ARL10: variants seen among roughly 807,000 people sequenced by gnomAD.
ARL10 encodes the protein ADP-ribosylation factor-like protein 10.
Under a neutral mutation model 26.1 loss-of-function variants are expected in ARL10, and 23 were observed. The observed-to-expected ratio is 0.88, with a 90% CI of 0.63 to 1.25. The LOEUF is 1.25. ARL10 is among the 50% of genes most tolerant of loss of function. ARL10 has a pLI of 0.00. For missense variants in ARL10, 300 were observed against 323.6 expected (o/e 0.93, Z 0.56); for synonymous variants, 138 against 149.1 (o/e 0.93, Z 0.54).
chr5:176,386,794 C>T, downstream of ARL10: 1 of 1,545,566 alleles, frequency 6.5e-7, no homozygotes, highest in Admixed American at 1.7e-5. Flanking sequence ...CCCAGCTTCC[C>T]ACAGTGCAGG....
At chr5:176,401,598 CCA>C (rs950258565) in intron 1 of ARL10, 4 of 392,860 alleles carry the variant, frequency 1.0e-5, no homozygotes, top group African/African-American at 8.3e-5. Flanking sequence ...AGGGTGACAT[CCA>C]CATGGCATCG....
chr5:176,389,692 A>G, downstream of ARL10: 1 of 528,134 alleles, frequency 1.9e-6, no homozygotes, highest in Non-Finnish European at 3.3e-6. Context: ...AATGTTACAT[A>G]CTTCTATTTG....
At chr5:176,388,741 G>A (rs1423873540), downstream of ARL10, 9 of 1,552,774 alleles carry the variant, frequency 5.8e-6, no homozygotes, top group African/African-American at 2.8e-5. Context: ...CAATTTATTC[G>A]TTTCCCCGCC....
chr5:176,406,142 C>G (rs1343055211), downstream of ARL10: 2 of 986,542 alleles, frequency 2.0e-6, no homozygotes, highest in African/African-American at 1.7e-5. Flanking sequence ...CACAACTGGG[C>G]TCTCGTTTAA....
downstream of ARL10, chr5:176,392,384 A>G (rs1561789041): frequency 5.8e-6 from 1 of 173,546 alleles, no homozygotes; most frequent in Non-Finnish European, 1.2e-5. This position sits in a 1 kb window ranked among gnomAD's most constrained non-coding sequence, Gnocchi z 5.2. Context: ...AAATGGGGGA[A>G]CATTCTCCCT....
At chr5:176,383,368 T>C, downstream of ARL10, among the ~76,000 whole-genome samples, 1 of 152,230 alleles carries the variant, frequency 6.6e-6, no homozygotes, top group East Asian at 1.9e-4. Context: ...GCCCACTCCA[T>C]ACCCTGCTTG....
exon 2 of ARL10, chr5:176,388,557 C>G: frequency 6.3e-7 from 1 of 1,599,080 alleles, no homozygotes; most frequent in Non-Finnish European, 8.6e-7. Flanking sequence ...ACCACCGCAC[C>G]AGCAGCTCAA....
chr5:176,385,401 C>T (rs1755762572), downstream of ARL10: 2 of 893,350 alleles, frequency 2.2e-6, no homozygotes, highest in Middle Eastern at 2.4e-4. Flanking sequence ...GTCCAATCAC[C>T]CCTTCACCCA....
At chr5:176,388,445 G>C (rs768728192) in exon 2 of ARL10, 1 of 1,614,144 alleles carries the variant, frequency 6.2e-7, no homozygotes, top group Non-Finnish European at 8.5e-7. Context: ...TTCGATCCGC[G>C]GCGCTGCCTT....
chr5:176,403,285 G>A (rs1756921251), downstream of ARL10, among the ~76,000 whole-genome samples: 1 of 152,032 alleles, frequency 6.6e-6, no homozygotes, highest in Admixed American at 6.6e-5. Context: ...CCTGATCTCA[G>A]GTGATCCACC....
At chr5:176,406,146 C>T (rs1489204498), downstream of ARL10, 6 of 986,528 alleles carry the variant, frequency 6.1e-6, no homozygotes, top group African/African-American at 3.5e-5. Context: ...ACTGGGCTCT[C>T]GTTTAATCAC....
downstream of ARL10, chr5:176,384,849 T>A: frequency 4.2e-6 from 2 of 476,704 alleles, no homozygotes; most frequent in Non-Finnish European, 3.7e-6. Flanking sequence ...TGACCCATCA[T>A]AGCCAGCTAA....
rs1242692699 is a variant in ARL10 at position 176,378,226 on chromosome 5, GGTCATCAATCTA to G, written c.*6334_*6345del. The G allele has an allele frequency of 6.6e-6, 1 of 152,216 alleles. No individual in the cohort carries two copies. Among genetic ancestry groups the G allele is most frequent in the Admixed American group, 6.5e-5 (1 of 15,280 alleles). The allele number at this position is 152,216 out of a possible 1,614,324, so 9.4% of individuals were successfully genotyped here. On this transcript the variant is annotated 3_prime_UTR_variant, in exon 4 of 4. Transcript: ENST00000310389. ...GCACTGTTAGATGGGTCATCATAAA[GGTCATCAATCTA>G]GTGGCATTCATTCAATTTGCACATC...
chr5:176,372,181 T>C lies in ARL10; in HGVS notation c.*286T>C. 1.0e-5 allele frequency: 10 copies of C among 974,646 alleles called. No individual in the cohort carries two copies. Among genetic ancestry groups the C allele is most frequent in the Non-Finnish European group, 1.2e-5 (9 of 734,048 alleles). 60.4% of individuals were successfully genotyped at this position (974,646 alleles called of 1,614,324 possible). ...GGATCCAGCTTTCCCTTCTCTTACC[T>C]GTACAGTGAGATGCTCAGTGGGCTC... is the stretch of plus-strand genomic sequence containing the variant. On this transcript the variant is annotated 3_prime_UTR_variant, in exon 4 of 4. Coordinates refer to ENST00000310389, the MANE Select transcript of ARL10 (RefSeq NM_173664.6).
chr5:176,411,389 G>A, the ARL10 span, among the ~76,000 whole-genome samples: 107 of 152,136 alleles, frequency 7.0e-4, no homozygotes, highest in African/African-American at 2.5e-3. Context: ...GGCCTATAGC[G>A]CCTACTCCTG....
At chr5:176,371,673 G>A in intron 3 of ARL10, 49 bp from the exon 4 acceptor site, 1 of 1,533,688 alleles carries the variant, frequency 6.5e-7, no homozygotes, top group South Asian at 1.1e-5. Context: ...GGGTGTCAGT[G>A]TGTTAGGAAA....
At chr5:176,406,359 C>T (rs892057996), downstream of ARL10, 30 of 1,116,848 alleles carry the variant, frequency 2.7e-5, no homozygotes, top group Non-Finnish European at 3.2e-5. Context: ...TCCTGAGGGG[C>T]CCCTCTGCTG....
Position 176,373,117 on chromosome 5 carries a change from C to A in ARL10, c.*1222C>A. 2.5e-6 allele frequency: 1 copy of A among 398,430 alleles called. No homozygotes were observed. Among genetic ancestry groups the A allele is most frequent in the Non-Finnish European group, 4.4e-6 (1 of 226,048 alleles). The allele number at this position is 398,430 out of a possible 1,614,324, so 24.7% of individuals were successfully genotyped here. Reference sequence around the variant, plus strand: ...GAAATGACTCTGGGAGAGGATTTCCCTTATGTGAATCTAGGTAAAAAGATG... The same window carrying A: ...GAAATGACTCTGGGAGAGGATTTCCATTATGTGAATCTAGGTAAAAAGATG... On this transcript the variant is annotated 3_prime_UTR_variant, in exon 4 of 4. Coordinates refer to ENST00000310389, the MANE Select transcript of ARL10 (RefSeq NM_173664.6).
chr5:176,386,777 G>A (rs1430690072), downstream of ARL10: 1 of 1,419,676 alleles, frequency 7.0e-7, no homozygotes, highest in South Asian at 1.1e-5. Flanking sequence ...GACATCTTAG[G>A]GCCCTTCCCA....
Sources: allele counts gnomAD v4.1 joint callset (sites outside exome capture counted in the v4.1 genomes callset), GRCh38; gene constraint gnomAD v4.1.1; non-coding constraint Gnocchi (gnomAD v3.1); transcripts MANE v1.5; gene names NCBI Gene and HGNC (gene_info 2026-07-23, HGNC 2026-07-21).